The following LIN52 variants were observed in gnomAD, a reference collection of about 807,000 sequenced individuals.
LIN52 encodes lin-52 DREAM MuvB core complex component, also known as protein lin-52 homolog.
LIN52 carries 4 observed loss-of-function variants against 18.5 expected under a neutral mutation model. That is an observed-to-expected ratio of 0.22 (90% CI 0.11 to 0.49). The LOEUF is 0.49. LIN52 is among the 20% of genes least tolerant of loss of function. LIN52 has a pLI of 0.97. For missense variants in LIN52, 102 were observed against 139.5 expected (o/e 0.73, Z 1.35); for synonymous variants, 34 against 45.5 (o/e 0.75, Z 1.02).
intron 5 of LIN52, among the ~76,000 whole-genome samples, chr14:74,185,828 T>C (rs573115212): frequency 6.6e-6 from 1 of 152,256 alleles, no homozygotes; most frequent in African/African-American, 2.4e-5. Context: ...GACACGATCA[T>C]CCCTCTCCCT....
chr14:74,135,352 C>G (rs1007349380), intron 5 of LIN52, among the ~76,000 whole-genome samples: 4 of 152,172 alleles, frequency 2.6e-5, no homozygotes, highest in African/African-American at 9.7e-5. Context: ...CATGAGCCAC[C>G]TCACCCAGCC....
At chr14:74,144,882 C>T (rs1201473165) in intron 5 of LIN52, among the ~76,000 whole-genome samples, 2 of 152,220 alleles carry the variant, frequency 1.3e-5, no homozygotes, top group African/African-American at 2.4e-5. Context: ...AATCTTCAAA[C>T]TCAACATGTC....
chr14:74,164,433 C>T (rs2061239956), intron 5 of LIN52, among the ~76,000 whole-genome samples: 1 of 151,764 alleles, frequency 6.6e-6, no homozygotes, highest in South Asian at 2.1e-4. Flanking sequence ...TACAGGCAGG[C>T]ACCACCATGC....
intron 1 of LIN52, among the ~76,000 whole-genome samples, chr14:74,089,062 A>C (rs984235717): frequency 7.2e-5 from 11 of 152,150 alleles, no homozygotes; most frequent in Admixed American, 6.6e-4. Context: ...TGGAGAATAG[A>C]TTCCGGGGGT....
At chr14:74,114,214 A>G (rs1375859825) in intron 5 of LIN52, 3 of 639,216 alleles carry the variant, frequency 4.7e-6, no homozygotes, top group African/African-American at 2.9e-5. Flanking sequence ...GTGTGTGTGT[A>G]GTTTTAACTT....
chr14:74,179,912 A>C (rs72627166), intron 5 of LIN52, among the ~76,000 whole-genome samples: 26,246 of 152,134 alleles, frequency 0.17, 2,760 homozygotes, highest in East Asian at 0.58. Flanking sequence ...CTTTAGCATG[A>C]GTTAGAATCA....
chr14:74,096,633 C>T (rs1566845032), intron 3 of LIN52, among the ~76,000 whole-genome samples: 3 of 151,838 alleles, frequency 2.0e-5, no homozygotes, highest in Non-Finnish European at 4.4e-5. Context: ...AAGAGAAAGA[C>T]GCAAAGCTGA....
chr14:74,095,880 T>C (rs762587507), intron 2 of LIN52, 68 bp from the exon 3 acceptor site: 5 of 993,584 alleles, frequency 5.0e-6, no homozygotes, highest in Non-Finnish European at 7.6e-6. Context: ...TGTTTTCTTA[T>C]TATTTGGATC....
At chr14:74,171,736 CTTTT>C (rs534860812) in intron 5 of LIN52, among the ~76,000 whole-genome samples, 1 of 122,698 alleles carries the variant, frequency 8.2e-6, no homozygotes, top group Admixed American at 8.8e-5. Flanking sequence ...TATTTTAATT[CTTTT>C]TTTTTTTTTT....
intron 1 of LIN52, among the ~76,000 whole-genome samples, chr14:74,090,181 A>T (rs7149639): frequency 6.6e-6 from 1 of 151,366 alleles, no homozygotes; most frequent in South Asian, 2.1e-4. Context: ...CCCATGCCTG[A>T]CCAATTTTTG....
intron 5 of LIN52, among the ~76,000 whole-genome samples, chr14:74,142,617 G>A (rs2061136269): frequency 6.6e-6 from 1 of 151,570 alleles, no homozygotes; most frequent in Non-Finnish European, 1.5e-5. Context: ...GAAATGCTCA[G>A]TAGCCATGTG....
chr14:74,117,775 G>A, intron 5 of LIN52, among the ~76,000 whole-genome samples: 1 of 152,086 alleles, frequency 6.6e-6, no homozygotes, highest in Non-Finnish European at 1.5e-5. Flanking sequence ...TGATCTGGAA[G>A]GTAGCGATAA....
chr14:74,090,638 G>GT (rs1018303184), intron 1 of LIN52, among the ~76,000 whole-genome samples: 2 of 151,240 alleles, frequency 1.3e-5, no homozygotes, highest in Non-Finnish European at 1.5e-5. Context: ...TCCGGCTGGG[G>GT]TTTTTTTTTG....
chr14:74,096,217 C>T (rs548645690), intron 3 of LIN52, among the ~76,000 whole-genome samples: 4 of 152,236 alleles, frequency 2.6e-5, no homozygotes, highest in South Asian at 2.1e-4. Flanking sequence ...CCCACCACCA[C>T]GCCCAGCTAA....
In LIN52 at chr14:74,114,099, GCT is replaced by G. The variant is rs1253728025; in HGVS notation, c.283+12862_283+12863del. Reference sequence around the variant, plus strand: ...GGGCTCAAGCAAGTCCCCCACCTCAGCTTCCCAAGTAGCTGGGACTACAGGTG... The same window carrying G: ...GGGCTCAAGCAAGTCCCCCACCTCAGTCCCAAGTAGCTGGGACTACAGGTG... On this transcript the variant is annotated intron_variant, in intron 5 of 5. Transcript: ENST00000555028. The G allele has an allele frequency of 1.7e-5, 17 of 979,362 alleles. No homozygotes were observed. In the African/African-American group the frequency reaches 2.6e-4, roughly 15 times the overall value. The allele number at this position is 979,362 out of a possible 1,614,324, so 60.7% of individuals were successfully genotyped here. A position where few individuals can be genotyped will look rare whatever the true frequency, so the allele number is the denominator to read the frequency against.
chr14:74,127,600 A>G (rs2061036200), intron 5 of LIN52, among the ~76,000 whole-genome samples: 1 of 152,208 alleles, frequency 6.6e-6, no homozygotes, highest in Non-Finnish European at 1.5e-5. Flanking sequence ...GGTTTGCAGG[A>G]AGGCAAGTGA....
chr14:74,178,561 G>A (rs1291753797), intron 5 of LIN52, among the ~76,000 whole-genome samples: 1 of 151,582 alleles, frequency 6.6e-6, no homozygotes, highest in African/African-American at 2.4e-5. Context: ...GGGTTCAAGT[G>A]ATTCTCGTGC....
At chr14:74,166,081 G>A (rs1014755594) in intron 5 of LIN52, among the ~76,000 whole-genome samples, 38 of 151,208 alleles carry the variant, frequency 2.5e-4, no homozygotes, top group Non-Finnish European at 5.0e-4. Context: ...ACTGGAGACG[G>A]GGTTTCTCCA....
intron 5 of LIN52, among the ~76,000 whole-genome samples, chr14:74,152,820 C>T (rs1421653746): frequency 4.6e-5 from 7 of 151,918 alleles, no homozygotes; most frequent in South Asian, 2.1e-4. Context: ...ATTAGCTGGG[C>T]GTGGTGGCAC....
Sources: gnomAD v4.1 joint callset for allele counts (sites outside exome capture counted in the v4.1 genomes callset) on GRCh38, gnomAD v4.1.1 for gene constraint, MANE v1.5 for transcripts, NCBI Gene and HGNC (gene_info 2026-07-23, HGNC 2026-07-21) for gene names.